SCN8A: variants seen among roughly 807,000 people sequenced by gnomAD.
SCN8A encodes the protein sodium channel protein type 8 subunit alpha.
SCN8A carries 30 observed loss-of-function variants against 184.1 expected under a neutral mutation model. The observed-to-expected ratio is 0.16, with a 90% CI of 0.12 to 0.22. The LOEUF is 0.22. Among genes scored for constraint, SCN8A ranks in the 10% least tolerant of loss-of-function variants. The probability of loss-of-function intolerance (pLI) is 1.00; values close to 1 mark genes in which losing one functional copy is unlikely to be tolerated. For synonymous variants in SCN8A, 852 were observed against 907.0 expected (o/e 0.94, Z 1.09); for missense variants, 1,057 against 2,498.9 (o/e 0.42, Z 12.30).
At chr12:51,666,884 T>C (rs1941044073) in intron 2 of SCN8A, among the ~76,000 whole-genome samples, 2 of 152,186 alleles carry the variant, frequency 1.3e-5, no homozygotes, top group Non-Finnish European at 2.9e-5. Context: ...GAGGTCCTTG[T>C]TGGGTTTCAC....
At chr12:51,607,686 A>G (rs1352826237) in intron 1 of SCN8A, among the ~76,000 whole-genome samples, 1 of 152,156 alleles carries the variant, frequency 6.6e-6, no homozygotes, top group Non-Finnish European at 1.5e-5. Flanking sequence ...TGAGATGATC[A>G]TGTGATTTTT....
At chr12:51,779,397 C>T (rs1410741513) in intron 20 of SCN8A, among the ~76,000 whole-genome samples, 1 of 152,158 alleles carries the variant, frequency 6.6e-6, no homozygotes, top group Non-Finnish European at 1.5e-5. Context: ...GCTCTGAGAG[C>T]TCTGGTAGAA....
chr12:51,768,618 A>G (rs900457750), intron 16 of SCN8A, among the ~76,000 whole-genome samples: 34 of 152,282 alleles, frequency 2.2e-4, no homozygotes, highest in African/African-American at 7.2e-4. Flanking sequence ...ATTTTCGGGT[A>G]CATATATATG....
intron 12 of SCN8A, among the ~76,000 whole-genome samples, chr12:51,733,981 T>C (rs1254399725): frequency 6.6e-6 from 1 of 152,198 alleles, no homozygotes; most frequent in African/African-American, 2.4e-5. Context: ...TTAGTCTGGC[T>C]AAAGGTTTGT....
chr12:51,729,308 C>T (rs1008959765), intron 12 of SCN8A, among the ~76,000 whole-genome samples: 4 of 152,138 alleles, frequency 2.6e-5, no homozygotes, highest in African/African-American at 9.7e-5. Context: ...ATAAGACTCT[C>T]CTAAAAAGTA....
chr12:51,621,784 T>G (rs979652923), intron 1 of SCN8A, among the ~76,000 whole-genome samples: 1 of 152,200 alleles, frequency 6.6e-6, no homozygotes, highest in African/African-American at 2.4e-5. Context: ...GCCTGAGTTC[T>G]GCGATGTAGG....
intron 26 of SCN8A, among the ~76,000 whole-genome samples, chr12:51,804,366 G>A (rs532090358): frequency 1.7e-3 from 260 of 148,628 alleles, no homozygotes; most frequent in Non-Finnish European, 3.0e-3. Flanking sequence ...TCTGCCTGTC[G>A]CCCAGGCTGG....
intron 12 of SCN8A, among the ~76,000 whole-genome samples, chr12:51,735,872 C>T (rs1942317428): frequency 6.6e-6 from 1 of 152,154 alleles, no homozygotes; most frequent in Admixed American, 6.6e-5. Flanking sequence ...AACCTCTACC[C>T]CAAGTTATTA....
chr12:51,655,271 A>G (rs1211646136), intron 1 of SCN8A, among the ~76,000 whole-genome samples: 1 of 151,976 alleles, frequency 6.6e-6, no homozygotes, highest in African/African-American at 2.4e-5. Flanking sequence ...TCCTGTTATA[A>G]CCGCATTTCA....
At chr12:51,599,514 A>G (rs1297856564) in intron 1 of SCN8A, among the ~76,000 whole-genome samples, 1 of 152,224 alleles carries the variant, frequency 6.6e-6, no homozygotes, top group Non-Finnish European at 1.5e-5. Flanking sequence ...TCCTTGTGGC[A>G]GATAAGCCTG....
chr12:51,673,908 T>C (rs1443561277), intron 2 of SCN8A, among the ~76,000 whole-genome samples: 1 of 152,144 alleles, frequency 6.6e-6, no homozygotes, highest in African/African-American at 2.4e-5. Flanking sequence ...GCTGTCTTCA[T>C]AGAGGATGTG....
At chr12:51,638,208 G>C (rs1393238888) in intron 1 of SCN8A, among the ~76,000 whole-genome samples, 2 of 152,124 alleles carry the variant, frequency 1.3e-5, no homozygotes, top group African/African-American at 2.4e-5. Flanking sequence ...CTCTGATGGA[G>C]ATATACAAGG....
chr12:51,721,978 G>C lies in SCN8A; in HGVS notation c.1998+70G>C, dbSNP rs781524603. The stretch of plus-strand genomic sequence containing the variant: ...CACAAATAGATCGAGGCTAGGCATG[G>C]CAGTCTCCCCCGCTCCTTCCCCTCC... On this transcript the variant is annotated intron_variant, in intron 12 of 26. Coordinates refer to ENST00000627620, the MANE Select transcript of SCN8A (RefSeq NM_001330260.2). The C allele has an allele frequency of 1.3e-5, 21 of 1,598,710 alleles. No homozygotes were observed. In the South Asian group the frequency reaches 2.3e-4, roughly 18 times the overall value.
intron 2 of SCN8A, among the ~76,000 whole-genome samples, chr12:51,683,012 C>G (rs1186861074): frequency 6.6e-6 from 1 of 152,120 alleles, no homozygotes; most frequent in Non-Finnish European, 1.5e-5. Flanking sequence ...CCTTTAAAGC[C>G]CCTTCCAAAT....
intron 2 of SCN8A, among the ~76,000 whole-genome samples, chr12:51,663,903 A>ATTTTTTTTTTTTTTTTTTTTTTTTTT: frequency 1.4e-5 from 1 of 69,804 alleles, no homozygotes; most frequent in Non-Finnish European, 2.7e-5. Flanking sequence ...CATTTGACAG[A>ATTTTTTTTTTTTTTTTTTTTTTTTTT]TTTTTTTTTT....
At chr12:51,720,304 AG>A (rs1310214153) in intron 11 of SCN8A, among the ~76,000 whole-genome samples, 1 of 150,664 alleles carries the variant, frequency 6.6e-6, no homozygotes, top group East Asian at 1.9e-4. Context: ...CGTCCTTTGT[AG>A]GGACATGGAT....
At position 51,613,843 on chromosome 12, in the gene SCN8A, AGT is replaced by A. The variant is rs573664877; in HGVS notation, c.-55+22487_-55+22488del. On this transcript the variant is annotated intron_variant, in intron 1 of 26. Transcript: ENST00000627620. Reference sequence around the variant, plus strand: ...GATTATTTAGAAGTATGTTGTTTGGAGTGTTGGGAGATTTGTCAGTGTCTTTG... The same window carrying A: ...GATTATTTAGAAGTATGTTGTTTGGAGTTGGGAGATTTGTCAGTGTCTTTG... Among the ~76,000 whole-genome samples the A allele has an allele frequency of 5.0e-3, 766 of 152,004 alleles. 2 individuals are homozygous for A. The highest frequency in any genetic ancestry group is 8.9e-3 in the Non-Finnish European group (604 of 67,928).
At chr12:51,657,019 A>G (rs1940834533) in intron 1 of SCN8A, among the ~76,000 whole-genome samples, 1 of 152,114 alleles carries the variant, frequency 6.6e-6, no homozygotes, top group African/African-American at 2.4e-5. Flanking sequence ...ATAGACTCAA[A>G]GGAATTGAAA....
intron 2 of SCN8A, among the ~76,000 whole-genome samples, chr12:51,682,897 G>T (rs542601106): frequency 3.3e-5 from 5 of 152,096 alleles, no homozygotes; most frequent in Admixed American, 2.6e-4. Context: ...AAAAAAACCT[G>T]CAGCTACATG....
Sources: gnomAD v4.1 joint callset for allele counts (sites outside exome capture counted in the v4.1 genomes callset) on GRCh38, gnomAD v4.1.1 for gene constraint, MANE v1.5 for transcripts, NCBI Gene and HGNC (gene_info 2026-07-23, HGNC 2026-07-21) for gene names.